The following RBMS3 variants were observed in gnomAD, a reference collection of about 807,000 sequenced individuals.
The protein encoded by RBMS3 is RNA-binding motif, single-stranded-interacting protein 3.
A neutral mutation model predicts 66.8 loss-of-function variants in RBMS3; 27 were observed. That is an observed-to-expected ratio of 0.40 (90% CI 0.30 to 0.56). The LOEUF is 0.56. Among genes scored for constraint, RBMS3 ranks in the 20% least tolerant of loss-of-function variants. The pLI is 0.40. For synonymous variants in RBMS3, 188 were observed against 183.0 expected, an observed-to-expected ratio of 1.03 and a Z score of -0.22; for missense variants, 513 against 549.5, an observed-to-expected ratio of 0.93 and a Z score of 0.66.
intron 1 of RBMS3, among the ~76,000 whole-genome samples, chr3:29,418,130 CA>C (rs1178267749): frequency 6.6e-6 from 1 of 152,130 alleles, no homozygotes; most frequent in East Asian, 1.9e-4. Flanking sequence ...CAGCTACAAA[CA>C]TAACTTTCAC....
At chr3:29,836,051 A>C (rs148243811) in intron 6 of RBMS3, among the ~76,000 whole-genome samples, 1 of 151,996 alleles carries the variant, frequency 6.6e-6, no homozygotes. Flanking sequence ...AACAACCTAC[A>C]AAGTCTGAAT....
At chr3:29,778,983 T>C (rs1014229718) in intron 6 of RBMS3, among the ~76,000 whole-genome samples, 7 of 151,830 alleles carry the variant, frequency 4.6e-5, no homozygotes, top group African/African-American at 1.7e-4. Flanking sequence ...CTTCCCTACA[T>C]GATACATAGA....
intron 3 of RBMS3, among the ~76,000 whole-genome samples, chr3:29,529,267 G>A (rs2045257815): frequency 6.6e-6 from 1 of 152,124 alleles, no homozygotes; most frequent in Admixed American, 6.6e-5. Context: ...TACCATATTT[G>A]AGAGGTTTTC....
At chr3:29,439,144 A>G (rs189561074) in intron 2 of RBMS3, among the ~76,000 whole-genome samples, 15 of 152,318 alleles carry the variant, frequency 9.8e-5, no homozygotes, top group Middle Eastern at 3.4e-3. Context: ...GCAGAGAGAA[A>G]GAGGTAAAGT....
chr3:29,466,807 G>C (rs2042559666), intron 2 of RBMS3, among the ~76,000 whole-genome samples: 1 of 152,002 alleles, frequency 6.6e-6, no homozygotes, highest in African/African-American at 2.4e-5. Flanking sequence ...CTTAATCTGT[G>C]ATTTAGGTAA....
At chr3:29,629,740 C>G (rs188904194) in intron 4 of RBMS3, among the ~76,000 whole-genome samples, 16 of 151,754 alleles carry the variant, frequency 1.1e-4, no homozygotes, top group Non-Finnish European at 1.9e-4. Flanking sequence ...TGTCCTATAC[C>G]CTTTTTCAGT....
At position 29,482,865 on chromosome 3, in the gene RBMS3, G is replaced by T. The variant is rs1007637821; in HGVS notation, c.249-5576G>T. On this transcript the variant is annotated intron_variant, in intron 2 of 14. Coordinates refer to ENST00000383767, the MANE Select transcript of RBMS3 (RefSeq NM_001003793.3). ...TGGGATTACAGGTGTGCACCACCAC[G>T]CCCGGCTATTTTTTGTATTTTTAGT... 2.0e-5 allele frequency among the ~76,000 whole-genome samples: 3 copies of T among 151,000 alleles called. No individual in the cohort carries two copies. In the South Asian group the frequency reaches 6.3e-4, roughly 32 times the overall value.
rs149832447 is a variant in RBMS3, at chr3:29,377,091, G to GAAA, written c.76-57642_76-57640dup. ...GTGACAAGAGCAAAACTCTGTCTCAGAAAAAAAAAAAAGAAAAGCAAAGAA... is the reference window on the plus strand; with the variant it reads ...GTGACAAGAGCAAAACTCTGTCTCAGAAAAAAAAAAAAAAAGAAAAGCAAAGAA... On this transcript the variant is annotated intron_variant, in intron 1 of 14. Transcript: ENST00000383767. Among the ~76,000 whole-genome samples the GAAA allele has an allele frequency of 2.2e-5, 3 of 138,904 alleles. 1 individual carries two copies. The highest frequency in any genetic ancestry group is 7.8e-5 in the African/African-American group (3 of 38,242). The allele number at this position is 138,904 out of a possible 152,430, so 91.1% of individuals were successfully genotyped here.
At chr3:29,757,729 T>C (rs1318849574) in intron 5 of RBMS3, among the ~76,000 whole-genome samples, 2 of 152,244 alleles carry the variant, frequency 1.3e-5, no homozygotes, top group Non-Finnish European at 2.9e-5. Flanking sequence ...AATGATAATA[T>C]AGATTTTCTA....
chr3:29,799,204 A>G (rs1400532096), intron 6 of RBMS3, among the ~76,000 whole-genome samples: 8 of 152,288 alleles, frequency 5.3e-5, no homozygotes, highest in Non-Finnish European at 8.8e-5. Flanking sequence ...TCTAACACAG[A>G]TGGTCAAATC....
At chr3:29,736,906 A>G (rs2054404428) in intron 4 of RBMS3, among the ~76,000 whole-genome samples, 1 of 152,158 alleles carries the variant, frequency 6.6e-6, no homozygotes, top group East Asian at 1.9e-4. Flanking sequence ...TGAAAACATG[A>G]GTTTGTTCAC....
At chr3:29,442,573 T>C (rs2041667733) in intron 2 of RBMS3, among the ~76,000 whole-genome samples, 1 of 152,150 alleles carries the variant, frequency 6.6e-6, no homozygotes, top group African/African-American at 2.4e-5. Context: ...CAACTCTTTC[T>C]GGATGTGCTG....
At position 29,491,145 on chromosome 3, in the gene RBMS3, G is replaced by C. The variant is rs568067065; in HGVS notation, c.307+2646G>C. On this transcript the variant is annotated intron_variant, in intron 3 of 14. Transcript: ENST00000383767. Reference sequence around the variant, plus strand: ...AGAAAAAGGGATGTAACTAAAAATGGGCGGTCAGGGTCTCCATAAGCAAAT... The same window carrying C: ...AGAAAAAGGGATGTAACTAAAAATGCGCGGTCAGGGTCTCCATAAGCAAAT... Among the ~76,000 whole-genome samples the C allele has an allele frequency of 4.5e-4, 69 of 152,300 alleles. 1 individual carries two copies. The Middle Eastern group carries it at 0.02, about 45-fold the overall frequency.
intron 6 of RBMS3, among the ~76,000 whole-genome samples, chr3:29,856,098 A>T (rs543401074): frequency 6.6e-6 from 1 of 152,352 alleles, no homozygotes; most frequent in East Asian, 1.9e-4. Context: ...CTTTGCTATC[A>T]GAAAGAATAT....
Position 29,459,948 on chromosome 3 carries a change from A to G in RBMS3, c.248+25033A>G, listed in dbSNP as rs116804306. Among the ~76,000 whole-genome samples the G allele has an allele frequency of 6.2e-3, 944 of 152,290 alleles. 10 individuals carry two copies. The highest frequency in any genetic ancestry group is 0.022 in the African/African-American group (901 of 41,556). ...AGTTTACTCAAGTGCCAAATGGTCC[A>G]CTAGCTTGGCTTGAATACTTCTAAT... On this transcript the variant is annotated intron_variant, in intron 2 of 14. Transcript: ENST00000383767.
chr3:29,377,939 G>A (rs1276925635), intron 1 of RBMS3, among the ~76,000 whole-genome samples: 1 of 152,120 alleles, frequency 6.6e-6, no homozygotes, highest in African/African-American at 2.4e-5. Flanking sequence ...CTTGCTACCT[G>A]TATTTTTAAT....
intron 1 of RBMS3, among the ~76,000 whole-genome samples, chr3:29,402,145 A>G (rs2039839905): frequency 6.6e-6 from 1 of 152,070 alleles, no homozygotes; most frequent in Admixed American, 6.6e-5. Context: ...TTGGTAATAT[A>G]TTGAAGACTA....
At chr3:29,373,126 C>G (rs4331634) in intron 1 of RBMS3, among the ~76,000 whole-genome samples, 146,366 of 152,278 alleles carry the variant, frequency 0.96, 70,400 homozygotes, top group East Asian at 1. Flanking sequence ...TCTCATATTA[C>G]AGTTACTGTC....
chr3:29,333,884 C>T (rs1475640961), intron 1 of RBMS3, among the ~76,000 whole-genome samples: 1 of 152,132 alleles, frequency 6.6e-6, no homozygotes, highest in African/African-American at 2.4e-5. Context: ...AAAGAAATTT[C>T]TTGTTCAGTG....
Sources: gnomAD v4.1 joint callset for allele counts (sites outside exome capture counted in the v4.1 genomes callset) on GRCh38, gnomAD v4.1.1 for gene constraint, MANE v1.5 for transcripts, NCBI Gene and HGNC (gene_info 2026-07-23, HGNC 2026-07-21) for gene names.